The following PRSS38 variants were observed in gnomAD, a reference collection of about 807,000 sequenced individuals.
PRSS38 encodes marapsin 2.
In PRSS38, 22 loss-of-function variants were observed where a neutral mutation model predicts 26.8. The observed-to-expected ratio is 0.82, with a 90% CI of 0.59 to 1.17. The LOEUF is 1.17. PRSS38 is among the 50% of genes most tolerant of loss of function. PRSS38 has a pLI of 0.00. For synonymous variants in PRSS38, 175 were observed against 172.1 expected (o/e 1.02, Z -0.13); for missense variants, 427 against 422.7 (o/e 1.01, Z -0.09).
chr1:227,821,985 T>C (rs1315239834), intron 3 of PRSS38, among the ~76,000 whole-genome samples: 2 of 152,186 alleles, frequency 1.3e-5, no homozygotes, highest in Non-Finnish European at 2.9e-5. Context: ...TTTGATGGTG[T>C]CCCAGGAGTC....
intron 3 of PRSS38, among the ~76,000 whole-genome samples, chr1:227,843,644 G>C (rs543357520): frequency 6.6e-6 from 1 of 152,120 alleles, no homozygotes; most frequent in Admixed American, 6.5e-5. Context: ...AGAGGTTGCA[G>C]TGAGCCAAGA....
rs917698810 is a variant in PRSS38, at chr1:227,816,057, A to C, written c.149-33A>C. The C allele has an allele frequency of 3.6e-5, 57 of 1,568,420 alleles. No individual in the cohort carries two copies. The highest frequency in any genetic ancestry group is 4.7e-5 in the Non-Finnish European group (54 of 1,155,760). ...GCCCTACCTCTCCCGTGGCCCCAGC[A>C]TGGCTCCACCGTCAGCTCCGTTCTC... On this transcript the variant is annotated intron_variant, in intron 1 of 4. Transcript: ENST00000366757. This position sits in a 1 kb window ranked among gnomAD's most constrained non-coding sequence, Gnocchi z 5.1.
Position 227,816,130 on chromosome 1 carries a change from C to T in PRSS38, c.189C>T (p.Gly63=), listed in dbSNP as rs758419047. Residue 63 remains glycine (G), a synonymous_variant, in exon 2 of 5, where the codon GGC becomes GGT. Transcript: ENST00000366757. The surrounding 1 kb of genome is among the most constrained non-coding windows in gnomAD (Gnocchi z 5.1). The stretch of plus-strand genomic sequence containing the variant: ...GCATGGAGGGGAAAATCCTGGGCGG[C>T]GTCCCTGCGCCCGAGAGGAAGTGGC... 30 of 1,613,600 alleles carry T rather than the reference C, an allele frequency of 1.9e-5. No individual in the cohort carries two copies. In the East Asian group the frequency reaches 2.2e-4, roughly 12 times the overall value.
exon 1 of PRSS38, chr1:227,815,706 C>T (rs1664898569): frequency 1.3e-6 from 2 of 1,574,492 alleles, no homozygotes; most frequent in South Asian, 1.1e-5. Context: ...GGGGGCGCTG[C>T]CTCGAGCCTC....
intron 3 of PRSS38, among the ~76,000 whole-genome samples, chr1:227,836,106 T>C (rs1363387264): frequency 6.6e-6 from 1 of 151,264 alleles, no homozygotes; most frequent in Non-Finnish European, 1.5e-5. Context: ...TTTTTTACTT[T>C]TTTTTTTTTC....
intron 3 of PRSS38, among the ~76,000 whole-genome samples, chr1:227,830,046 G>A (rs113853386): frequency 0.011 from 1,635 of 152,094 alleles, 35 homozygotes; most frequent in African/African-American, 0.036. Flanking sequence ...TACATCTATC[G>A]ATATGTTCCT....
intron 3 of PRSS38, among the ~76,000 whole-genome samples, chr1:227,829,338 G>C (rs1161569237): frequency 1.3e-5 from 2 of 152,080 alleles, no homozygotes; most frequent in Non-Finnish European, 2.9e-5. Context: ...TCTGACTAGT[G>C]TGAGACGGTA....
exon 4 of PRSS38, chr1:227,845,554 A>G: frequency 6.2e-7 from 1 of 1,613,716 alleles, no homozygotes; most frequent in Non-Finnish European, 8.5e-7. Context: ...CACATGTCCT[A>G]CATCATGCCC....
chr1:227,831,761 A>C (rs796772960), intron 3 of PRSS38, among the ~76,000 whole-genome samples: 13 of 152,278 alleles, frequency 8.5e-5, no homozygotes, highest in African/African-American at 3.1e-4. Flanking sequence ...CTGAGACAGG[A>C]GAATCATTTG....
intron 3 of PRSS38, among the ~76,000 whole-genome samples, chr1:227,835,209 C>T (rs560471787): frequency 3.0e-4 from 46 of 152,112 alleles, no homozygotes; most frequent in Non-Finnish European, 5.7e-4. Context: ...AAAGCAGAGC[C>T]CTCGTTCATT....
At chr1:227,837,076 T>G (rs1665247653) in intron 3 of PRSS38, among the ~76,000 whole-genome samples, 1 of 152,198 alleles carries the variant, frequency 6.6e-6, no homozygotes, top group South Asian at 2.1e-4. Context: ...CTGCCGCCTC[T>G]AACTCTTGGG....
At chr1:227,826,005 G>C (rs1177884771) in intron 3 of PRSS38, among the ~76,000 whole-genome samples, 4 of 152,124 alleles carry the variant, frequency 2.6e-5, no homozygotes, top group African/African-American at 9.7e-5. Context: ...GATTCTTCCT[G>C]TCTGTGAGCA....
intron 3 of PRSS38, among the ~76,000 whole-genome samples, chr1:227,832,928 C>T (rs1340084336): frequency 6.6e-6 from 1 of 152,190 alleles, no homozygotes; most frequent in Non-Finnish European, 1.5e-5. Context: ...ATTGTTCCAT[C>T]TGCAATAGCA....
chr1:227,842,018 C>G (rs947511663), intron 3 of PRSS38, among the ~76,000 whole-genome samples: 1 of 152,106 alleles, frequency 6.6e-6, no homozygotes, highest in African/African-American at 2.4e-5. Context: ...TTTTAACAAC[C>G]AGCTCTCTCT....
At chr1:227,840,131 T>A (rs1393885116) in intron 3 of PRSS38, among the ~76,000 whole-genome samples, 1 of 152,202 alleles carries the variant, frequency 6.6e-6, no homozygotes, top group Non-Finnish European at 1.5e-5. Context: ...CTTTTGTTTT[T>A]AAAATCTTAT....
chr1:227,844,271 C>G (rs1558238642), intron 3 of PRSS38, among the ~76,000 whole-genome samples: 1 of 150,872 alleles, frequency 6.6e-6, no homozygotes, highest in Non-Finnish European at 1.5e-5. Flanking sequence ...CATCTGTGGT[C>G]GGGACTTCAT....
rs1245712540 is a variant in PRSS38 at position 227,816,282 on chromosome 1, G to T, written c.311+30G>T. ...GCGGGCGCCGGCCTGGGATGGTGTG[G>T]GTAGCTGGGCCTGCACGGAGTGCCC... On this transcript the variant is annotated intron_variant, in intron 2 of 4. Transcript: ENST00000366757. This position sits in a 1 kb window ranked among gnomAD's most constrained non-coding sequence, Gnocchi z 5.1. The T allele has an allele frequency of 6.3e-7, 1 of 1,597,556 alleles. No individual in the cohort carries two copies.
Position 227,845,092 on chromosome 1 carries a change from T to A in PRSS38, c.584-378T>A, listed in dbSNP as rs184507892. 2.1e-5 allele frequency among the ~76,000 whole-genome samples: 3 copies of A among 140,416 alleles called. No homozygotes were observed. The East Asian group carries it at 6.6e-4, about 31-fold the overall frequency. 92.1% of individuals were successfully genotyped at this position (140,416 alleles called of 152,430 possible). A position where few individuals can be genotyped will look rare whatever the true frequency, so the allele number is the denominator to read the frequency against. ...ATGTTTAGTGGGGTGCCTCCCTATG[T>A]GTGGTCAGGACTCCTCCCTATGTGT... On this transcript the variant is annotated intron_variant, in intron 3 of 4. Coordinates refer to ENST00000366757, the Ensembl canonical transcript of PRSS38.
intron 3 of PRSS38, among the ~76,000 whole-genome samples, chr1:227,842,583 CTT>C (rs545162850): frequency 2.1e-5 from 3 of 144,748 alleles, no homozygotes; most frequent in African/African-American, 2.5e-5. Flanking sequence ...GAGGGAACTT[CTT>C]TTTTTTTTTT....
Sources: allele counts gnomAD v4.1 joint callset (sites outside exome capture counted in the v4.1 genomes callset), GRCh38; gene constraint gnomAD v4.1.1; non-coding constraint Gnocchi (gnomAD v3.1); transcripts MANE v1.5; gene names NCBI Gene and HGNC (gene_info 2026-07-23, HGNC 2026-07-21).